TMEM217: variants seen among roughly 807,000 people sequenced by gnomAD.
TMEM217 encodes the protein transmembrane protein 217, also known as chromosome 6 open reading frame 128.
For missense variants in TMEM217, 204 were observed against 248.8 expected, an observed-to-expected ratio of 0.82 and a Z score of 1.21; for synonymous variants, 76 against 88.3, an observed-to-expected ratio of 0.86 and a Z score of 0.78.
chr6:37,243,274 T>C (rs1764877363), intron 1 of TMEM217, among the ~76,000 whole-genome samples: 1 of 152,236 alleles, frequency 6.6e-6, no homozygotes, highest in South Asian at 2.1e-4. Context: ...ATAAATTCGG[T>C]TGGCCAGAAT....
intron 1 of TMEM217, among the ~76,000 whole-genome samples, chr6:37,227,212 C>T (rs1355174132): frequency 6.6e-6 from 1 of 152,156 alleles, no homozygotes; most frequent in African/African-American, 2.4e-5. Context: ...AGGAAGGCCT[C>T]GACTAGAGTA....
intron 1 of TMEM217, among the ~76,000 whole-genome samples, chr6:37,256,252 C>G (rs563389015): frequency 6.6e-6 from 1 of 152,260 alleles, no homozygotes; most frequent in African/African-American, 2.4e-5. Context: ...TGGTTGCCAC[C>G]AAGGTAAGGA....
intron 1 of TMEM217, among the ~76,000 whole-genome samples, chr6:37,243,265 TA>T (rs1160935389): frequency 6.6e-6 from 1 of 152,362 alleles, no homozygotes. Context: ...CGTTTAGTTA[TA>T]AATTCGGTTG....
chr6:37,212,992 A>G, downstream of TMEM217: 1 of 1,536,526 alleles, frequency 6.5e-7, no homozygotes, highest in South Asian at 1.2e-5. Context: ...TTACCAGAGC[A>G]CCTCCTGCAG....
At chr6:37,255,335 G>T (rs1249772780) in intron 1 of TMEM217, among the ~76,000 whole-genome samples, 1 of 152,068 alleles carries the variant, frequency 6.6e-6, no homozygotes. Context: ...TACAATGGGG[G>T]CCATTGCAAA....
At chr6:37,238,964 T>C (rs1295416407) in intron 1 of TMEM217, among the ~76,000 whole-genome samples, 2 of 151,980 alleles carry the variant, frequency 1.3e-5, no homozygotes, top group Admixed American at 6.6e-5. Context: ...ACCCTGTCTC[T>C]ACTAAAAATA....
downstream of TMEM217, chr6:37,212,877 G>T: frequency 1.3e-6 from 2 of 1,486,182 alleles, no homozygotes; most frequent in Non-Finnish European, 1.8e-6. Context: ...CATAGCAAAT[G>T]TGTGTCTTCT....
chr6:37,219,054 A>G lies in TMEM217; in HGVS notation c.-11-13T>C. 1 of 1,599,288 alleles carries G rather than the reference A, an allele frequency of 6.3e-7. No individual in the cohort carries two copies. The stretch of plus-strand genomic sequence containing the variant: ...ATGCTGAGACCTCCTGTGAAGACAA[A>G]CAACATGAGGGAGAATTCTAGTTCC... On this transcript the variant is annotated splice_polypyrimidine_tract_variant and intron_variant, in intron 1 of 1. Coordinates refer to ENST00000357219, the Ensembl canonical transcript of TMEM217.
chr6:37,228,820 A>AC (rs1425752633), intron 1 of TMEM217, among the ~76,000 whole-genome samples: 1 of 150,968 alleles, frequency 6.6e-6, no homozygotes, highest in East Asian at 1.9e-4. Context: ...ACACGGTGAA[A>AC]CCCCGTCTCT....
downstream of TMEM217, among the ~76,000 whole-genome samples, chr6:37,214,383 A>G (rs1763073441): frequency 6.6e-6 from 1 of 152,180 alleles, no homozygotes; most frequent in Non-Finnish European, 1.5e-5. Flanking sequence ...GTGCGCCAGC[A>G]TGCCCAGCTA....
chr6:37,215,579 A>G (rs1763154996), downstream of TMEM217, among the ~76,000 whole-genome samples: 1 of 20,820 alleles, frequency 4.8e-5, no homozygotes, highest in Non-Finnish European at 9.7e-5. Context: ...TCAAAAAAAA[A>G]AAAAAAAAAA....
downstream of TMEM217, chr6:37,212,777 G>A (rs1053238918): frequency 1.6e-5 from 11 of 707,204 alleles, no homozygotes; most frequent in Admixed American, 1.0e-4. Flanking sequence ...ATGGTGGTGA[G>A]GGAGAGGCCA....
At chr6:37,249,273 T>C (rs1765259471) in intron 1 of TMEM217, among the ~76,000 whole-genome samples, 1 of 152,208 alleles carries the variant, frequency 6.6e-6, no homozygotes, top group African/African-American at 2.4e-5. Context: ...TTTATGGCAA[T>C]AGAAAGGAAG....
At chr6:37,235,984 T>C (rs1275044764) in intron 1 of TMEM217, among the ~76,000 whole-genome samples, 2 of 152,202 alleles carry the variant, frequency 1.3e-5, no homozygotes, top group African/African-American at 4.8e-5. Context: ...AATATCTTTA[T>C]GTAGAGTTTA....
chr6:37,247,392 T>G (rs1466491854), intron 1 of TMEM217, among the ~76,000 whole-genome samples: 1 of 145,326 alleles, frequency 6.9e-6, no homozygotes, highest in African/African-American at 2.5e-5. Context: ...TTTTTTACTT[T>G]TTTTTTTTTT....
chr6:37,218,069 A>T (rs564714967), exon 2 of TMEM217: 1 of 1,004,902 alleles, frequency 1.0e-6, no homozygotes, highest in Middle Eastern at 5.0e-4. Flanking sequence ...AGTGGGGGGA[A>T]AAAAGGAAAT....
At chr6:37,241,099 CTTTTT>C (rs74398542) in intron 1 of TMEM217, among the ~76,000 whole-genome samples, 2 of 132,924 alleles carry the variant, frequency 1.5e-5, no homozygotes, top group African/African-American at 2.8e-5. Flanking sequence ...AAGTATTACT[CTTTTT>C]TTTTTTTTTT....
chr6:37,219,769 T>G (rs1763409647), intron 1 of TMEM217, among the ~76,000 whole-genome samples: 2 of 152,134 alleles, frequency 1.3e-5, no homozygotes, highest in Non-Finnish European at 2.9e-5. Context: ...CTCCCAGCAT[T>G]GCCTTGGGCT....
intron 1 of TMEM217, among the ~76,000 whole-genome samples, chr6:37,226,573 A>C (rs1763857002): frequency 6.7e-6 from 1 of 148,304 alleles, no homozygotes; most frequent in Non-Finnish European, 1.5e-5. Flanking sequence ...CTGGGATTAC[A>C]GGCGTGAGCC....
Sources: allele counts gnomAD v4.1 joint callset (sites outside exome capture counted in the v4.1 genomes callset), GRCh38; gene constraint gnomAD v4.1.1; transcripts MANE v1.5; gene names NCBI Gene and HGNC (gene_info 2026-07-23, HGNC 2026-07-21).